AGAP1: variants seen among roughly 807,000 people sequenced by gnomAD.
AGAP1 encodes ArfGAP with GTPase domain, ankyrin repeat and PH domain 1, also known as arf-GAP with GTPase, ANK repeat and PH domain-containing protein 1.
AGAP1 carries 29 observed loss-of-function variants against 105.3 expected under a neutral mutation model. That is an observed-to-expected ratio of 0.28 (90% CI 0.21 to 0.38). AGAP1 has a LOEUF of 0.38. AGAP1 is among the 10% of genes least tolerant of loss of function. The pLI is 1.00. For missense variants in AGAP1, 998 were observed against 1,165.1 expected, an observed-to-expected ratio of 0.86 and a Z score of 2.09; for synonymous variants, 509 against 485.9, an observed-to-expected ratio of 1.05 and a Z score of -0.63.
rs1158729436 is a variant in AGAP1, at chr2:235,635,072, T to A, written c.164-74107T>A. ...ACCAGTTTTCCCTCTGAAGCGTGAA[T>A]GTTTCCTCTCCAGTTGGGAATCTCC... On this transcript the variant is annotated intron_variant, in intron 1 of 17. Coordinates refer to ENST00000304032, the MANE Select transcript of AGAP1 (RefSeq NM_001037131.3). This position sits in a 1 kb window ranked among gnomAD's most constrained non-coding sequence, Gnocchi z 5.3. Among the ~76,000 whole-genome samples, 2 of 152,164 alleles carry A rather than the reference T, an allele frequency of 1.3e-5. No individual in the cohort carries two copies. Among genetic ancestry groups the A allele is most frequent in the African/African-American group, 2.4e-5 (1 of 41,438 alleles).
rs1944828123 is a variant in AGAP1 at position 235,578,862 on chromosome 2, G to A, written c.163+84013G>A. Among the ~76,000 whole-genome samples the A allele has an allele frequency of 6.6e-6, 1 of 150,754 alleles. No homozygotes were observed. Among genetic ancestry groups the A allele is most frequent in the African/African-American group, 2.4e-5 (1 of 40,848 alleles). On this transcript the variant is annotated intron_variant, in intron 1 of 17. Coordinates refer to ENST00000304032, the MANE Select transcript of AGAP1 (RefSeq NM_001037131.3). The surrounding 1 kb of genome is among the most constrained non-coding windows in gnomAD (Gnocchi z 4.9). The stretch of plus-strand genomic sequence containing the variant: ...GTGTATAGCCCAATAGTTTTTCACT[G>A]TTGAGGGTCAAAATTTTACCTTTGT...
chr2:235,820,428 G>A (rs1347233875), intron 9 of AGAP1, among the ~76,000 whole-genome samples: 1 of 152,100 alleles, frequency 6.6e-6, no homozygotes, highest in Non-Finnish European at 1.5e-5. Flanking sequence ...TCAGAAAACT[G>A]GTTTCTTGTA....
Position 236,124,037 on chromosome 2 carries a change from G to T in AGAP1, c.2489G>T (p.Arg830Leu). The stretch of plus-strand genomic sequence containing the variant: ...CTGCAGTACGGCTGCCCCGACGAGC[G>T]CTTCGTGCTCATGGCCACCCCTAAC... ...VLLQYGCPDE[R>L]FVLMATPNLS... Residue 830 changes from arginine to leucine, a missense_variant, in exon 18 of 18, where the codon CGC becomes CTC. By Grantham distance (102) the Arg-to-Leu change is moderately radical. Around this residue, in one of 3 missense-constraint regions of AGAP1, gnomAD observed 235 missense variants for 270.7 expected, o/e 0.87. Coordinates refer to ENST00000304032, the MANE Select transcript of AGAP1 (RefSeq NM_001037131.3). This position sits in a 1 kb window ranked among gnomAD's most constrained non-coding sequence, Gnocchi z 5.1. The T allele has an allele frequency of 1.2e-6, 2 of 1,614,044 alleles. No individual in the cohort carries two copies. The highest frequency in any genetic ancestry group is 1.7e-6 in the Non-Finnish European group (2 of 1,179,990).
In AGAP1 at chr2:235,612,502, A is replaced by G. The variant is rs1000104080; in HGVS notation, c.164-96677A>G. On this transcript the variant is annotated intron_variant, in intron 1 of 17. Coordinates refer to ENST00000304032, the MANE Select transcript of AGAP1 (RefSeq NM_001037131.3). The surrounding 1 kb of genome is among the most constrained non-coding windows in gnomAD (Gnocchi z 4.3). ...TCTATGAATTGGTCTTTGCCTTTGT[A>G]CTTATTCAAACTGACAAATACTTAC... 1.3e-5 allele frequency among the ~76,000 whole-genome samples: 2 copies of G among 152,180 alleles called. No individual in the cohort carries two copies. The highest frequency in any genetic ancestry group is 2.4e-5 in the African/African-American group (1 of 41,432).
chr2:235,619,903 T>C (rs1559293815), intron 1 of AGAP1, among the ~76,000 whole-genome samples: 3 of 152,180 alleles, frequency 2.0e-5, no homozygotes, highest in Admixed American at 6.5e-5. Flanking sequence ...CCAGACTATA[T>C]GCTGGGCTTG....
rs572530951 is a variant in AGAP1, at chr2:235,566,685, C to G, written c.163+71836C>G. 4.9e-6 allele frequency: 4 copies of G among 823,242 alleles called. No homozygotes were observed. The highest frequency in any genetic ancestry group is 6.2e-5 in the Admixed American group (1 of 16,054). The allele number at this position is 823,242 out of a possible 1,614,324, so 51.0% of individuals were successfully genotyped here. A position where few individuals can be genotyped will look rare whatever the true frequency, so the allele number is the denominator to read the frequency against. ...CAGCCGGGACCGGGGAGAGGCTGTT[C>G]GAGGAACACAGGATGCATATTCAGG... On this transcript the variant is annotated intron_variant, in intron 1 of 17. Transcript: ENST00000304032. This position sits in a 1 kb window ranked among gnomAD's most constrained non-coding sequence, Gnocchi z 5.2.
At position 235,612,726 on chromosome 2, in the gene AGAP1, A is replaced by G. The variant is rs1034204538; in HGVS notation, c.164-96453A>G. 4.6e-5 allele frequency among the ~76,000 whole-genome samples: 7 copies of G among 151,980 alleles called. No individual in the cohort carries two copies. Among genetic ancestry groups the G allele is most frequent in the African/African-American group, 1.7e-4 (7 of 41,328 alleles). ...GTCCTTTTGCATGGGGTGGCCGGCC[A>G]GGTGTGCTGAGTGCCACCTGGGCTT... On this transcript the variant is annotated intron_variant, in intron 1 of 17. Transcript: ENST00000304032. The surrounding 1 kb of genome is among the most constrained non-coding windows in gnomAD (Gnocchi z 4.3).
chr2:235,613,086 G>T (rs1284613146), intron 1 of AGAP1, among the ~76,000 whole-genome samples: 1 of 150,722 alleles, frequency 6.6e-6, no homozygotes, highest in African/African-American at 2.4e-5. Context: ...AGAGTGCAGT[G>T]GTACGATCTC....
chr2:235,549,219 G>A lies in AGAP1; in HGVS notation c.163+54370G>A, dbSNP rs1003449667. ...ATTTTCCAGACCTTTTATTTCTAAGGAATACAAACTAGAAGGGCCTGGTTT... is the reference window on the plus strand; with the variant it reads ...ATTTTCCAGACCTTTTATTTCTAAGAAATACAAACTAGAAGGGCCTGGTTT... On this transcript the variant is annotated intron_variant, in intron 1 of 17. Transcript: ENST00000304032. This position sits in a 1 kb window ranked among gnomAD's most constrained non-coding sequence, Gnocchi z 4.2. Among the ~76,000 whole-genome samples, 4 of 152,200 alleles carry A rather than the reference G, an allele frequency of 2.6e-5. No homozygotes were observed. Among genetic ancestry groups the A allele is most frequent in the African/African-American group, 9.6e-5 (4 of 41,468 alleles).
At chr2:235,518,020 C>A (rs768698162) in intron 1 of AGAP1, among the ~76,000 whole-genome samples, 1 of 152,084 alleles carries the variant, frequency 6.6e-6, no homozygotes, top group Non-Finnish European at 1.5e-5. Flanking sequence ...GGGTTCTTGC[C>A]CCCATTTGCA....
chr2:235,872,275 C>G lies in AGAP1; in HGVS notation c.1051-11070C>G, dbSNP rs1221797369. Among the ~76,000 whole-genome samples, 1 of 152,014 alleles carries G rather than the reference C, an allele frequency of 6.6e-6. No homozygotes were observed. Among genetic ancestry groups the G allele is most frequent in the Non-Finnish European group, 1.5e-5 (1 of 68,002 alleles). On this transcript the variant is annotated intron_variant, in intron 9 of 17. Transcript: ENST00000304032. The surrounding 1 kb of genome is among the most constrained non-coding windows in gnomAD (Gnocchi z 4.5). ...TGCATAGAAATAAAAAAAAAAAGTT[C>G]TAAATAAATGCCGAAGCCACATAGG... is the stretch of plus-strand genomic sequence containing the variant.
At chr2:236,010,943 C>T (rs988570710) in intron 13 of AGAP1, among the ~76,000 whole-genome samples, 3 of 151,952 alleles carry the variant, frequency 2.0e-5, no homozygotes, top group African/African-American at 4.8e-5. Context: ...GCTACTCGGG[C>T]GGCTGAGGCA....
intron 9 of AGAP1, among the ~76,000 whole-genome samples, chr2:235,821,531 C>A (rs973091502): frequency 6.6e-6 from 1 of 150,986 alleles, no homozygotes; most frequent in African/African-American, 2.5e-5. Flanking sequence ...CTACAGGGAA[C>A]TTTAAAAATT....
chr2:235,910,304 A>G (rs1575757539), intron 11 of AGAP1, among the ~76,000 whole-genome samples: 2 of 6,642 alleles, frequency 3.0e-4, no homozygotes, highest in African/African-American at 2.7e-3. Flanking sequence ...GCGGTGTCAG[A>G]GGAGACAACA....
chr2:235,567,685 A>G (rs981684330), intron 1 of AGAP1, among the ~76,000 whole-genome samples: 2 of 129,766 alleles, frequency 1.5e-5, no homozygotes, highest in African/African-American at 5.8e-5. Context: ...TGGTGGGGAG[A>G]AGGGGCTGCA....
chr2:235,599,046 G>A lies in AGAP1; in HGVS notation c.163+104197G>A, dbSNP rs1945640115. ...CACAGATGAGCTCACTGCTGTCCTC[G>A]GAGCAGGTAGGAATGTATTTATTTA... On this transcript the variant is annotated intron_variant, in intron 1 of 17. Coordinates refer to ENST00000304032, the MANE Select transcript of AGAP1 (RefSeq NM_001037131.3). This position sits in a 1 kb window ranked among gnomAD's most constrained non-coding sequence, Gnocchi z 5.3. Among the ~76,000 whole-genome samples, 1 of 152,108 alleles carries A rather than the reference G, an allele frequency of 6.6e-6. No homozygotes were observed. The highest frequency in any genetic ancestry group is 6.5e-5 in the Admixed American group (1 of 15,272).
chr2:235,799,377 G>A lies in AGAP1; in HGVS notation c.812G>A (p.Gly271Glu), dbSNP rs1311920134. Residue 271 changes from glycine (G) to glutamate (E), a missense_variant, in exon 8 of 18, where the codon GGA becomes GAA. Coordinates refer to ENST00000304032, the MANE Select transcript of AGAP1 (RefSeq NM_001037131.3). The surrounding 1 kb of genome is among the most constrained non-coding windows in gnomAD (Gnocchi z 5.0). ...TTTTAATCATTTCAGACAAGTAATG[G>A]AGGTGGGAGTTTAAGCGACTATTCC... ...SAVHISQTSN[G>E]GGSLSDYSSS... The A allele has an allele frequency of 3.1e-6, 5 of 1,613,958 alleles. No homozygotes were observed. The highest frequency in any genetic ancestry group is 4.2e-6 in the Non-Finnish European group (5 of 1,180,006).
intron 12 of AGAP1, among the ~76,000 whole-genome samples, chr2:235,950,024 C>T (rs2053667529): frequency 6.6e-6 from 1 of 152,062 alleles, no homozygotes; most frequent in Admixed American, 6.5e-5. Context: ...AGCAATGAAG[C>T]AGCTCCCTGG....
chr2:235,766,428 C>T (rs1954959171), intron 6 of AGAP1, among the ~76,000 whole-genome samples: 1 of 152,144 alleles, frequency 6.6e-6, no homozygotes, highest in South Asian at 2.1e-4. Flanking sequence ...GATTATTCTC[C>T]TGCGCAAATG....
Sources: allele counts gnomAD v4.1 joint callset (sites outside exome capture counted in the v4.1 genomes callset), GRCh38; gene constraint gnomAD v4.1.1; regional missense constraint gnomAD v4.1.1; non-coding constraint Gnocchi (gnomAD v3.1); transcripts MANE v1.5; gene names NCBI Gene and HGNC (gene_info 2026-07-23, HGNC 2026-07-21).